SNX27: variants seen among roughly 807,000 people sequenced by gnomAD.
The protein encoded by SNX27 is sorting nexin-27.
Under a neutral mutation model 71.6 loss-of-function variants are expected in SNX27, and 22 were observed. The observed-to-expected ratio is 0.31, with a 90% CI of 0.22 to 0.44. The LOEUF is 0.44. Among genes scored for constraint, SNX27 ranks in the 20% least tolerant of loss-of-function variants. SNX27 has a pLI of 1.00. For synonymous variants in SNX27, 269 were observed against 277.2 expected (o/e 0.97, Z 0.29); for missense variants, 531 against 698.6 (o/e 0.76, Z 2.70).
intron 1 of SNX27, among the ~76,000 whole-genome samples, chr1:151,629,093 T>C (rs928984787): frequency 6.6e-6 from 1 of 152,132 alleles, no homozygotes; most frequent in Non-Finnish European, 1.5e-5. Context: ...CTTTTAGAAG[T>C]TTTGTAGATT....
chr1:151,656,244 G>T (rs1295590013), intron 2 of SNX27, among the ~76,000 whole-genome samples: 1 of 123,300 alleles, frequency 8.1e-6, no homozygotes, highest in Non-Finnish European at 1.8e-5. Flanking sequence ...AAAAAAAAAA[G>T]ACCAGTGACA....
At chr1:151,623,174 C>T (rs185057698) in intron 1 of SNX27, among the ~76,000 whole-genome samples, 6 of 151,690 alleles carry the variant, frequency 4.0e-5, no homozygotes, top group East Asian at 3.9e-4. Flanking sequence ...GATGGAGTCT[C>T]GCTGTCGCCC....
chr1:151,652,248 CGGAGAG>C lies in SNX27; in HGVS notation c.544-5973_544-5968del, dbSNP rs1178346977. ...AGGGAGAGGGAGAGGGAGAGGGAGA[CGGAGAG>C]GGAGAGGGAGAGGAAACTGAATCTT... On this transcript the variant is annotated intron_variant, in intron 2 of 11. Coordinates refer to ENST00000458013, the MANE Select transcript of SNX27 (RefSeq NM_001330723.2). 5.8e-3 allele frequency among the ~76,000 whole-genome samples: 400 copies of C among 68,916 alleles called. 2 individuals carry two copies. Among genetic ancestry groups the C allele is most frequent in the Non-Finnish European group, 9.1e-3 (286 of 31,334 alleles). 45.2% of individuals were successfully genotyped at this position (68,916 alleles called of 152,430 possible).
At chr1:151,637,162 G>GTTTTTTTTT (rs1203944575) in intron 1 of SNX27, among the ~76,000 whole-genome samples, 1 of 37,308 alleles carries the variant, frequency 2.7e-5, no homozygotes, top group African/African-American at 6.0e-5. Flanking sequence ...CGTTTTTTTT[G>GTTTTTTTTT]TTTTTTTGTT....
chr1:151,623,102 A>G (rs1431486447), intron 1 of SNX27, among the ~76,000 whole-genome samples: 1 of 150,890 alleles, frequency 6.6e-6, no homozygotes, highest in African/African-American at 2.4e-5. Flanking sequence ...CCTCCCAAGT[A>G]GCTGGGATTA....
intron 2 of SNX27, among the ~76,000 whole-genome samples, chr1:151,651,418 G>A (rs1404356763): frequency 6.6e-6 from 1 of 151,442 alleles, no homozygotes; most frequent in African/African-American, 2.4e-5. Context: ...GGTGGCTGCC[G>A]GGCGGAGACG....
At chr1:151,633,746 C>T (rs189510100) in intron 1 of SNX27, among the ~76,000 whole-genome samples, 113 of 152,310 alleles carry the variant, frequency 7.4e-4, no homozygotes, top group African/African-American at 2.5e-3. Flanking sequence ...CACTTTCCTC[C>T]CGCCGAGTGT....
intron 8 of SNX27, among the ~76,000 whole-genome samples, chr1:151,688,351 C>T (rs1671280865): frequency 6.6e-6 from 1 of 152,128 alleles, no homozygotes; most frequent in African/African-American, 2.4e-5. Flanking sequence ...AGCAAAAATT[C>T]AGCGAGGCGC....
chr1:151,644,135 G>A (rs1047630838), intron 2 of SNX27, among the ~76,000 whole-genome samples: 1 of 152,224 alleles, frequency 6.6e-6, no homozygotes, highest in East Asian at 1.9e-4. Context: ...TTCCCAAAAG[G>A]TCTCAACATC....
chr1:151,693,719 G>T, intron 11 of SNX27: 1 of 1,599,430 alleles, frequency 6.3e-7, no homozygotes, highest in Non-Finnish European at 8.5e-7. Context: ...GGTGGACATT[G>T]GCTACAGGCT....
chr1:151,648,722 A>G (rs1475267187), intron 2 of SNX27, among the ~76,000 whole-genome samples: 1 of 139,644 alleles, frequency 7.2e-6, no homozygotes, highest in East Asian at 2.0e-4. Flanking sequence ...CCCAGCCCAT[A>G]TTTACCATTT....
rs1669784857 is a variant in SNX27, at chr1:151,658,147, C to G, written c.544-88C>G. The G allele has an allele frequency of 2.4e-6, 3 of 1,241,124 alleles. No individual in the cohort carries two copies. The African/African-American group carries it at 4.5e-5, about 19-fold the overall frequency. The allele number at this position is 1,241,124 out of a possible 1,614,324, so 76.9% of individuals were successfully genotyped here. On this transcript the variant is annotated intron_variant, in intron 2 of 11. Transcript: ENST00000458013. ...TTGTTAAATGCATAGCAGAATGCAT[C>G]TAACCAATATCATCTAAGCCTGACT...
chr1:151,612,623 C>T lies in SNX27; in HGVS notation c.311+111C>T, dbSNP rs1316761309. On this transcript the variant is annotated intron_variant, in intron 1 of 11. Transcript: ENST00000458013. The surrounding 1 kb of genome is among the most constrained non-coding windows in gnomAD (Gnocchi z 5.2). ...GCACCTCCCCCGAGCTCCGAGCCGG[C>T]CTCCGGACCCCCGCCCCTCAGGCCT... The T allele has an allele frequency of 3.5e-6, 3 of 848,098 alleles. No homozygotes were observed. The highest frequency in any genetic ancestry group is 4.8e-6 in the Non-Finnish European group (3 of 628,896). The allele number at this position is 848,098 out of a possible 1,614,324, so 52.5% of individuals were successfully genotyped here. A position where few individuals can be genotyped will look rare whatever the true frequency, so the allele number is the denominator to read the frequency against.
intron 7 of SNX27, among the ~76,000 whole-genome samples, chr1:151,671,367 A>G (rs747302627): frequency 6.6e-6 from 1 of 151,484 alleles, no homozygotes; most frequent in Non-Finnish European, 1.5e-5. Flanking sequence ...CCTCCCCACT[A>G]GCTGGGGCTA....
At chr1:151,621,371 G>GA (rs1383915525) in intron 1 of SNX27, among the ~76,000 whole-genome samples, 2 of 152,164 alleles carry the variant, frequency 1.3e-5, no homozygotes, top group Admixed American at 6.5e-5. Context: ...AGTTGTATTT[G>GA]AGTACTCTTA....
intron 1 of SNX27, among the ~76,000 whole-genome samples, chr1:151,618,760 T>C (rs1667544142): frequency 6.6e-6 from 1 of 152,216 alleles, no homozygotes; most frequent in South Asian, 2.1e-4. Context: ...GTTCATTCAT[T>C]AGATGATGGC....
chr1:151,658,120 C>A, intron 2 of SNX27, 115 bp from the exon 3 acceptor site: 2 of 907,204 alleles, frequency 2.2e-6, no homozygotes, highest in African/African-American at 1.7e-5. Context: ...TGAATATAGT[C>A]TTTGTTAAAT....
chr1:151,660,817 T>C lies in SNX27; in HGVS notation c.756T>C (p.Ile252=), dbSNP rs1669930261. The C allele has an allele frequency of 1.2e-6, 2 of 1,612,558 alleles. No individual in the cohort carries two copies. The highest frequency in any genetic ancestry group is 2.2e-5 in the South Asian group (2 of 91,056). The part of the protein sequence containing the change: ...YLEKVCSIRV[I]GESDIMQEFL... The stretch of plus-strand genomic sequence containing the variant: ...CTACAGTGTGTTCAATACGAGTAAT[T>C]GGTGAGAGTGACATCATGCAGGAAT... Residue 252 remains isoleucine (I), a synonymous_variant, in exon 4 of 12, where the codon ATT becomes ATC. Transcript: ENST00000458013.
chr1:151,657,072 C>T (rs942006541), intron 2 of SNX27, among the ~76,000 whole-genome samples: 2 of 152,166 alleles, frequency 1.3e-5, no homozygotes, highest in African/African-American at 4.8e-5. Context: ...GAGGCGGAGA[C>T]TATATGGTGT....
Sources: allele counts gnomAD v4.1 joint callset (sites outside exome capture counted in the v4.1 genomes callset), GRCh38; gene constraint gnomAD v4.1.1; non-coding constraint Gnocchi (gnomAD v3.1); transcripts MANE v1.5; gene names NCBI Gene and HGNC (gene_info 2026-07-23, HGNC 2026-07-21).